STAG3: variants seen among roughly 807,000 people sequenced by gnomAD.
STAG3 encodes STAG3 cohesin complex component.
Under a neutral mutation model 160.7 loss-of-function variants are expected in STAG3, and 101 were observed. The observed-to-expected ratio is 0.63, with a 90% CI of 0.54 to 0.74. The LOEUF (loss-of-function observed/expected upper bound fraction) is 0.74. STAG3 is among the 30% of genes least tolerant of loss of function. STAG3 has a pLI of 0.00. For missense variants in STAG3, 1,188 were observed against 1,517.4 expected, an observed-to-expected ratio of 0.78 and a Z score of 3.61; for synonymous variants, 519 against 585.0, an observed-to-expected ratio of 0.89 and a Z score of 1.63.
At chr7:100,185,575 T>G (rs559631335) in intron 4 of STAG3, among the ~76,000 whole-genome samples, 1 of 150,628 alleles carries the variant, frequency 6.6e-6, no homozygotes, top group South Asian at 2.1e-4. Context: ...GCACTCCAGC[T>G]TGGGCTACAG....
intron 8 of STAG3, among the ~76,000 whole-genome samples, chr7:100,195,023 A>G (rs1341591938): frequency 6.6e-6 from 1 of 152,234 alleles, no homozygotes; most frequent in African/African-American, 2.4e-5. Flanking sequence ...ATAAAGTGCA[A>G]TAAAGCGAGA....
Position 100,197,690 on chromosome 7 carries a change from A to T in STAG3, c.1066-88A>T, listed in dbSNP as rs1171228119. ...GGGGACACCCAAGCTAGAATGAGGG[A>T]TCGGAGAGGGGAGTCTGGAGGCTTA... On this transcript the variant is annotated intron_variant, in intron 10 of 33. Transcript: ENST00000615138. 6 of 1,029,838 alleles carry T rather than the reference A, an allele frequency of 5.8e-6. No homozygotes were observed. In the African/African-American group the frequency reaches 9.4e-5, roughly 16 times the overall value. The allele number at this position is 1,029,838 out of a possible 1,614,324, so 63.8% of individuals were successfully genotyped here.
intron 4 of STAG3, 108 bp downstream of exon 4, chr7:100,182,947 G>A (rs1378665682): frequency 3.2e-6 from 4 of 1,268,402 alleles, no homozygotes; most frequent in South Asian, 1.2e-5. Context: ...AGTGTAACAT[G>A]TCAAGAAAGA....
rs1802511198 is a variant in STAG3 at position 100,213,800 on chromosome 7, T to TATTG, written c.3668_3671dup (p.Glu1224AspfsTer2). 6.8e-6 allele frequency: 11 copies of TATTG among 1,614,234 alleles called. No individual in the cohort carries two copies. Among genetic ancestry groups the TATTG allele is most frequent in the Non-Finnish European group, 8.5e-6 (10 of 1,180,032 alleles). ...ACCTCTTAGATTCTACAGAGCTGGATATTGAGGTGAGTGTCCCCAGAGCAG... is the reference window on the plus strand; with the variant it reads ...ACCTCTTAGATTCTACAGAGCTGGATATTGATTGAGGTGAGTGTCCCCAGAGCAG... On this transcript the variant is annotated frameshift_variant, in exon 33 of 34. Coordinates refer to ENST00000615138, the MANE Select transcript of STAG3 (RefSeq NM_001282717.2). LOFTEE classifies it high-confidence loss of function.
chr7:100,205,613 C>T (rs1302726872), intron 29 of STAG3, among the ~76,000 whole-genome samples: 5 of 152,070 alleles, frequency 3.3e-5, no homozygotes, highest in African/African-American at 4.8e-5. Flanking sequence ...AGGCGGCTCA[C>T]GAGGTCAGGT....
intron 1 of STAG3, among the ~76,000 whole-genome samples, chr7:100,179,907 G>A (rs927073893): frequency 1.1e-4 from 17 of 152,264 alleles, no homozygotes; most frequent in African/African-American, 4.1e-4. Flanking sequence ...GGATAATTTT[G>A]TATTTTTAGT....
chr7:100,201,339 G>A lies in STAG3; in HGVS notation c.2208G>A (p.Glu736=), dbSNP rs1354556291. The A allele has an allele frequency of 3.7e-6, 6 of 1,614,026 alleles. No homozygotes were observed. The African/African-American group carries it at 6.7e-5, about 18-fold the overall frequency. The change falls in exon 21 of 34, where the codon GAG becomes GAA. Residue 736 remains glutamate (E), a synonymous_variant. Transcript: ENST00000615138. ...TGCAGAAGGCTGTGGACACAGGAGA[G>A]GTTCCTCACCAGGTGAGTGGACAGG... ...QLLQKAVDTG[E]VPHQVILPAL...
chr7:100,200,926 T>A lies in STAG3; in HGVS notation c.2018T>A (p.Leu673Ter). The A allele has an allele frequency of 3.1e-6, 5 of 1,614,222 alleles. No individual in the cohort carries two copies. Among genetic ancestry groups the A allele is most frequent in the Non-Finnish European group, 4.2e-6 (5 of 1,180,026 alleles). Residue 673 changes from leucine to a stop codon, truncating the protein, a stop_gained, in exon 19 of 34, where the codon TTG (leucine) becomes TAG (stop). Transcript: ENST00000615138. LOFTEE classifies it high-confidence loss of function. ...ADFARSQLVD[L>*]LTDRFQQELE... is the part of the protein sequence containing the mutation. ...TTTGCCCGCAGCCAGCTAGTAGATT[T>A]GCTGACTGACCGCTTCCAGCAGGAG...
At chr7:100,179,400 T>C (rs1799499478) in intron 1 of STAG3, among the ~76,000 whole-genome samples, 1 of 151,950 alleles carries the variant, frequency 6.6e-6, no homozygotes, top group Admixed American at 6.6e-5. Flanking sequence ...TTTTTGCTTA[T>C]TTTTTGTAGA....
chr7:100,215,268 G>C (rs1269374801), downstream of STAG3: 2 of 152,344 alleles, frequency 1.3e-5, no homozygotes, highest in Admixed American at 6.5e-5. Context: ...AGCTAGTGAT[G>C]TGTGCAGAAA....
chr7:100,196,562 C>T (rs531167563), intron 9 of STAG3, among the ~76,000 whole-genome samples: 1 of 152,308 alleles, frequency 6.6e-6, no homozygotes, highest in Non-Finnish European at 1.5e-5. Context: ...GAGGCCAAGA[C>T]AGGCAGATCA....
intron 31 of STAG3, 64 bp from the exon 32 acceptor site, chr7:100,211,731 T>C: frequency 6.4e-7 from 1 of 1,573,320 alleles, no homozygotes; most frequent in Non-Finnish European, 8.7e-7. Context: ...CCCGGGTGTC[T>C]GAGAAACTCT....
intron 9 of STAG3, 22 bp downstream of exon 9, chr7:100,195,404 A>G (rs777210641): frequency 6.2e-7 from 1 of 1,607,896 alleles, no homozygotes; most frequent in Non-Finnish European, 8.5e-7. Context: ...GGCCTCTCTC[A>G]TTGAAGCAGC....
intron 30 of STAG3, 23 bp downstream of exon 30, chr7:100,211,208 G>C: frequency 6.5e-7 from 1 of 1,540,676 alleles, no homozygotes; most frequent in Non-Finnish European, 8.7e-7. Context: ...AGGGAATCTG[G>C]GTGTCTGAGT....
chr7:100,198,346 T>G, intron 12 of STAG3, 129 bp from the exon 13 acceptor site: 1 of 1,174,052 alleles, frequency 8.5e-7, no homozygotes, highest in Non-Finnish European at 1.3e-6. Context: ...TCCTTTGTCT[T>G]CCGCTCTTCA....
chr7:100,185,519 T>C (rs1799936343), intron 4 of STAG3, among the ~76,000 whole-genome samples: 1 of 151,558 alleles, frequency 6.6e-6, no homozygotes, highest in Non-Finnish European at 1.5e-5. Flanking sequence ...GGAGAATTGC[T>C]TGAACGTGGG....
intron 4 of STAG3, among the ~76,000 whole-genome samples, chr7:100,183,533 C>T (rs1799787223): frequency 6.6e-6 from 1 of 151,916 alleles, no homozygotes; most frequent in Non-Finnish European, 1.5e-5. Flanking sequence ...GTTCTAATAC[C>T]CGAAAGTGTA....
intron 1 of STAG3, among the ~76,000 whole-genome samples, chr7:100,178,240 G>A (rs1435770684): frequency 2.0e-5 from 3 of 152,136 alleles, no homozygotes; most frequent in Non-Finnish European, 4.4e-5. Flanking sequence ...TCCTGGAGCC[G>A]CTTACCCCAG....
In STAG3 at chr7:100,207,920, T is replaced by C. The variant is rs184217563; in HGVS notation, c.3238+2536T>C. On this transcript the variant is annotated intron_variant, in intron 29 of 33. Transcript: ENST00000615138. The surrounding 1 kb of genome is among the most constrained non-coding windows in gnomAD (Gnocchi z 4.0). ...TCACGAGGTCAGGAGATTGAGACCATCCTGGCTAACACGGTGAAACCCCGT... is the reference window on the plus strand; with the variant it reads ...TCACGAGGTCAGGAGATTGAGACCACCCTGGCTAACACGGTGAAACCCCGT... Among the ~76,000 whole-genome samples, 1 of 152,184 alleles carries C rather than the reference T, an allele frequency of 6.6e-6. No individual in the cohort carries two copies. Among genetic ancestry groups the C allele is most frequent in the African/African-American group, 2.4e-5 (1 of 41,534 alleles).
Sources: gnomAD v4.1 joint callset for allele counts (sites outside exome capture counted in the v4.1 genomes callset) on GRCh38, gnomAD v4.1.1 for gene constraint, Gnocchi (gnomAD v3.1) non-coding constraint, MANE v1.5 for transcripts, NCBI Gene and HGNC (gene_info 2026-07-23, HGNC 2026-07-21) for gene names.